GRM5: variants seen among roughly 807,000 people sequenced by gnomAD.
The protein encoded by GRM5 is metabotropic glutamate receptor 5.
In GRM5, 19 loss-of-function variants were observed where a neutral mutation model predicts 83.1. That is an observed-to-expected ratio of 0.23 (90% confidence interval 0.16 to 0.34). The LOEUF is 0.34. Among genes scored for constraint, GRM5 ranks in the 10% least tolerant of loss-of-function variants. The pLI is 1.00. For synonymous variants in GRM5, 675 were observed against 633.6 expected, an observed-to-expected ratio of 1.07 and a Z score of -0.98; for missense variants, 1,160 against 1,588.3, an observed-to-expected ratio of 0.73 and a Z score of 4.58.
chr11:88,611,667 T>C (rs1938321092), intron 4 of GRM5, among the ~76,000 whole-genome samples: 1 of 152,180 alleles, frequency 6.6e-6, no homozygotes, highest in Non-Finnish European at 1.5e-5. Context: ...AAACCAACTT[T>C]TGTTTTCATT....
intron 2 of GRM5, among the ~76,000 whole-genome samples, chr11:88,966,451 G>T (rs902744303): frequency 6.6e-6 from 1 of 152,004 alleles, no homozygotes; most frequent in Admixed American, 6.6e-5. Context: ...AGTCATACTG[G>T]CAACCAAAAA....
In GRM5 at chr11:88,845,726, C is replaced by A. The variant is rs1295401022; in HGVS notation, c.911+4180G>T. 5.6e-3 allele frequency among the ~76,000 whole-genome samples: 132 copies of A among 23,716 alleles called. 7 individuals carry two copies. The highest frequency in any genetic ancestry group is 0.021 in the African/African-American group (120 of 5,834). The allele number at this position is 23,716 out of a possible 152,430, so 15.6% of individuals were successfully genotyped here. A position where few individuals can be genotyped will look rare whatever the true frequency, so the allele number is the denominator to read the frequency against. On this transcript the variant is annotated intron_variant, in intron 3 of 9. Coordinates refer to ENST00000305447, the MANE Select transcript of GRM5 (RefSeq NM_001143831.3). Reference sequence around the variant, plus strand: ...GGGATTACAGGCATGAACCACCGCGCCCCCCCCCACTTTTTATATGAATTG... The same window carrying A: ...GGGATTACAGGCATGAACCACCGCGACCCCCCCCACTTTTTATATGAATTG...
intron 3 of GRM5, among the ~76,000 whole-genome samples, chr11:88,784,067 T>C (rs1943022767): frequency 6.6e-6 from 1 of 152,098 alleles, no homozygotes; most frequent in Non-Finnish European, 1.5e-5. Flanking sequence ...GCTCAATTTT[T>C]ATACATTTAC....
intron 2 of GRM5, among the ~76,000 whole-genome samples, chr11:88,992,255 C>T (rs1940003865): frequency 6.6e-6 from 1 of 152,014 alleles, no homozygotes; most frequent in Non-Finnish European, 1.5e-5. Context: ...AGCCAAAAAA[C>T]ACATGAAAAA....
Position 88,937,499 on chromosome 11 carries a change from T to C in GRM5, c.662-87344A>G, listed in dbSNP as rs1427551544. 2.0e-5 allele frequency among the ~76,000 whole-genome samples: 3 copies of C among 151,800 alleles called. No homozygotes were observed. The East Asian group carries it at 5.8e-4, about 29-fold the overall frequency. On this transcript the variant is annotated intron_variant, in intron 2 of 9. Coordinates refer to ENST00000305447, the MANE Select transcript of GRM5 (RefSeq NM_001143831.3). The stretch of plus-strand genomic sequence containing the variant: ...ATAGCTTCATTTATCAGTAGTATTA[T>C]AACATATTAACCAAATAAGAACAAT...
chr11:89,009,929 A>AAAAAAAAATAAAC, intron 2 of GRM5, among the ~76,000 whole-genome samples: 1 of 102,334 alleles, frequency 9.8e-6, no homozygotes. Flanking sequence ...AAAAAAAAAA[A>AAAAAAAAATAAAC]ACACACACAA....
chr11:88,798,542 A>G (rs1943325470), intron 3 of GRM5, among the ~76,000 whole-genome samples: 1 of 152,116 alleles, frequency 6.6e-6, no homozygotes, highest in African/African-American at 2.4e-5. Flanking sequence ...TCAAGGCAGG[A>G]CAAAGAGCAA....
chr11:88,584,205 TACACACAC>T (rs10526384), intron 7 of GRM5, among the ~76,000 whole-genome samples: 10 of 144,222 alleles, frequency 6.9e-5, no homozygotes, highest in African/African-American at 1.5e-4. Flanking sequence ...TGTTTCAAAT[TACACACAC>T]ACACACACAC....
intron 2 of GRM5, among the ~76,000 whole-genome samples, chr11:88,974,723 C>T (rs908669874): frequency 2.6e-4 from 39 of 152,058 alleles, no homozygotes; most frequent in African/African-American, 8.2e-4. Context: ...TATGGTATTA[C>T]ATTAAAACCG....
chr11:89,007,699 T>A (rs1482072834), intron 2 of GRM5, among the ~76,000 whole-genome samples: 1 of 152,188 alleles, frequency 6.6e-6, no homozygotes, highest in African/African-American at 2.4e-5. Flanking sequence ...AATAGCTCAA[T>A]GTTTAAGAAC....
At chr11:88,971,612 A>T (rs994157223) in intron 2 of GRM5, among the ~76,000 whole-genome samples, 3 of 152,102 alleles carry the variant, frequency 2.0e-5, no homozygotes, top group Non-Finnish European at 4.4e-5. Flanking sequence ...GGGCACGATC[A>T]TTTTATATTT....
At chr11:88,870,358 GC>G (rs1944742937) in intron 2 of GRM5, among the ~76,000 whole-genome samples, 2 of 151,392 alleles carry the variant, frequency 1.3e-5, no homozygotes, top group Admixed American at 6.6e-5. Context: ...TATTTTTCTG[GC>G]AAAGGTTCAT....
chr11:88,514,797 C>T (rs796885696), intron 9 of GRM5, among the ~76,000 whole-genome samples: 4 of 152,178 alleles, frequency 2.6e-5, no homozygotes, highest in South Asian at 2.1e-4. Context: ...GGCCTTAAAG[C>T]TTGGGGATGT....
intron 4 of GRM5, among the ~76,000 whole-genome samples, chr11:88,621,126 T>C (rs1471316158): frequency 3.3e-5 from 5 of 152,132 alleles, no homozygotes; most frequent in Admixed American, 6.6e-5. Flanking sequence ...CACAGGGACA[T>C]GAGGGCTAAT....
Position 88,637,230 on chromosome 11 carries a change from G to T in GRM5, c.1147+15938C>A, listed in dbSNP as rs1350018303. Among the ~76,000 whole-genome samples the T allele has an allele frequency of 3.3e-5, 5 of 152,236 alleles. No homozygotes were observed. The South Asian group carries it at 8.3e-4, about 25-fold the overall frequency. On this transcript the variant is annotated intron_variant, in intron 4 of 9. Coordinates refer to ENST00000305447, the MANE Select transcript of GRM5 (RefSeq NM_001143831.3). ...AAGAAAACCTAGGCATTACCATTCA[G>T]GACAAAGGCATGGGCAATGAATTCA...
At chr11:89,039,516 T>C (rs896612757) in intron 2 of GRM5, among the ~76,000 whole-genome samples, 15 of 152,220 alleles carry the variant, frequency 9.9e-5, no homozygotes, top group African/African-American at 3.6e-4. Flanking sequence ...AATTCCTTTA[T>C]TGAACAGTTC....
chr11:88,956,902 G>A (rs1316349806), intron 2 of GRM5, among the ~76,000 whole-genome samples: 1 of 152,322 alleles, frequency 6.6e-6, no homozygotes, highest in South Asian at 2.1e-4. Flanking sequence ...CTGTAAAATG[G>A]AGACACTAAA....
intron 4 of GRM5, among the ~76,000 whole-genome samples, chr11:88,647,653 G>A (rs1591408843): frequency 6.6e-6 from 1 of 152,106 alleles, no homozygotes; most frequent in South Asian, 2.1e-4. Flanking sequence ...ATTGACAAAT[G>A]GGATCTAATT....
At chr11:88,746,074 C>T (rs193259175) in intron 3 of GRM5, among the ~76,000 whole-genome samples, 1 of 152,102 alleles carries the variant, frequency 6.6e-6, no homozygotes, top group Admixed American at 6.6e-5. Flanking sequence ...CATTATAGCC[C>T]CCTTTGGTTC....
Sources: allele counts gnomAD v4.1 joint callset (sites outside exome capture counted in the v4.1 genomes callset), GRCh38; gene constraint gnomAD v4.1.1; transcripts MANE v1.5; gene names NCBI Gene and HGNC (gene_info 2026-07-23, HGNC 2026-07-21).